SKIC2: variants seen among roughly 807,000 people sequenced by gnomAD.
The protein encoded by SKIC2 is SKI2 subunit of superkiller complex, also known as superkiller complex protein 2.
the SKIC2 span, among the ~76,000 whole-genome samples, chr6:31,964,643 A>C: frequency 6.6e-6 from 1 of 152,222 alleles, no homozygotes; most frequent in East Asian, 1.9e-4. This position sits in a 1 kb window ranked among gnomAD's most constrained non-coding sequence, Gnocchi z 5.0. Flanking sequence ...AAAAGTTATT[A>C]GTAATCAGAA....
At chr6:31,968,677 T>G in the SKIC2 span, 3 of 1,608,428 alleles carry the variant, frequency 1.9e-6, no homozygotes, top group Admixed American at 3.3e-5. The surrounding 1 kb of genome is among the most constrained non-coding windows in gnomAD (Gnocchi z 6.1). Context: ...GACGGGTGGC[T>G]CTCTGCAGTA....
At chr6:31,968,013 C>T in the SKIC2 span, 2 of 1,613,090 alleles carry the variant, frequency 1.2e-6, no homozygotes, top group South Asian at 1.1e-5. This position sits in a 1 kb window ranked among gnomAD's most constrained non-coding sequence, Gnocchi z 6.1. Context: ...GCCATCACCA[C>T]CAAGGTGCTC....
the SKIC2 span, chr6:31,968,981 C>T: frequency 6.2e-7 from 1 of 1,612,920 alleles, no homozygotes; most frequent in South Asian, 1.1e-5. The surrounding 1 kb of genome is among the most constrained non-coding windows in gnomAD (Gnocchi z 6.1). Flanking sequence ...TCATGTTTGA[C>T]AATGCACTGA....
chr6:31,963,323 G>A, the SKIC2 span: 1 of 1,254,030 alleles, frequency 8.0e-7, no homozygotes, highest in Non-Finnish European at 1.1e-6. The surrounding 1 kb of genome is among the most constrained non-coding windows in gnomAD (Gnocchi z 5.3). Flanking sequence ...AGAAAAGACT[G>A]GGTAAAGTTG....
chr6:31,960,371 G>A, the SKIC2 span: 42 of 1,598,900 alleles, frequency 2.6e-5, no homozygotes, highest in Non-Finnish European at 3.4e-5. Flanking sequence ...AACAGTTGGG[G>A]AGAAGGGGAG....
chr6:31,967,357 G>C, the SKIC2 span: 1 of 1,611,772 alleles, frequency 6.2e-7, no homozygotes, highest in Non-Finnish European at 8.5e-7. This position sits in a 1 kb window ranked among gnomAD's most constrained non-coding sequence, Gnocchi z 4.9. Flanking sequence ...GCATCACAAC[G>C]CATTGGGAGT....
At chr6:31,963,201 A>T in the SKIC2 span, 1 of 852,716 alleles carries the variant, frequency 1.2e-6, no homozygotes, top group Non-Finnish European at 1.8e-6. The surrounding 1 kb of genome is among the most constrained non-coding windows in gnomAD (Gnocchi z 5.3). Flanking sequence ...CTTAGGGGTG[A>T]TGCTGGGGAA....
At chr6:31,961,436 G>A in the SKIC2 span, 3 of 1,526,164 alleles carry the variant, frequency 2.0e-6, no homozygotes, top group African/African-American at 1.4e-5. Flanking sequence ...CCACCAGGAT[G>A]TGGGCTGGCT....
chr6:31,960,918 G>A, the SKIC2 span: 13 of 910,348 alleles, frequency 1.4e-5, no homozygotes, highest in South Asian at 8.4e-5. Context: ...TGTTGGGAAA[G>A]TGTCATAGCA....
chr6:31,959,325 AC>A, the SKIC2 span: 1 of 1,613,572 alleles, frequency 6.2e-7, no homozygotes, highest in African/African-American at 1.3e-5. Flanking sequence ...CCCTGGACCT[AC>A]CCCTTCGGGC....
the SKIC2 span, chr6:31,962,170 C>A: frequency 1.2e-5 from 14 of 1,121,004 alleles, no homozygotes; most frequent in East Asian, 2.4e-5. This position sits in a 1 kb window ranked among gnomAD's most constrained non-coding sequence, Gnocchi z 5.0. Context: ...GTGAGAGGTT[C>A]AGGGCTAAGA....
chr6:31,962,190 G>C, the SKIC2 span: 1 of 969,102 alleles, frequency 1.0e-6, no homozygotes, highest in Non-Finnish European at 1.6e-6. The surrounding 1 kb of genome is among the most constrained non-coding windows in gnomAD (Gnocchi z 5.0). Flanking sequence ...ACTGAGACAA[G>C]AGCCCAGAGA....
the SKIC2 span, chr6:31,962,516 G>A: frequency 2.5e-6 from 4 of 1,614,056 alleles, no homozygotes; most frequent in Non-Finnish European, 3.4e-6. This position sits in a 1 kb window ranked among gnomAD's most constrained non-coding sequence, Gnocchi z 5.0. Context: ...GGGGATGTGG[G>A]GCTGCTCACC....
chr6:31,968,997 C>A, the SKIC2 span: 1 of 1,612,912 alleles, frequency 6.2e-7, no homozygotes, highest in Non-Finnish European at 8.5e-7. This position sits in a 1 kb window ranked among gnomAD's most constrained non-coding sequence, Gnocchi z 6.1. Context: ...ACTGAGCACC[C>A]TGCGGCCTGA....
the SKIC2 span, chr6:31,967,313 C>T: frequency 1.2e-6 from 2 of 1,613,060 alleles, no homozygotes; most frequent in Non-Finnish European, 1.7e-6. This position sits in a 1 kb window ranked among gnomAD's most constrained non-coding sequence, Gnocchi z 4.9. Flanking sequence ...AAGTCTCTCT[C>T]AGCAGGAAGG....
At chr6:31,959,983 A>G in the SKIC2 span, 24 of 1,493,712 alleles carry the variant, frequency 1.6e-5, no homozygotes, top group Non-Finnish European at 2.2e-5. Context: ...TCCTTACCTA[A>G]TGCCTCTCAT....
At chr6:31,967,916 G>C in the SKIC2 span, 2 of 1,612,926 alleles carry the variant, frequency 1.2e-6, no homozygotes, top group Non-Finnish European at 1.7e-6. The surrounding 1 kb of genome is among the most constrained non-coding windows in gnomAD (Gnocchi z 4.9). Context: ...AGGATGCCTG[G>C]GTCCATGGCA....
chr6:31,968,813 T>C, the SKIC2 span: 2 of 1,610,152 alleles, frequency 1.2e-6, no homozygotes, highest in African/African-American at 1.3e-5. This position sits in a 1 kb window ranked among gnomAD's most constrained non-coding sequence, Gnocchi z 6.1. Context: ...GGGGCAGTGG[T>C]TGGGGCAGGG....
the SKIC2 span, chr6:31,968,664 G>C: frequency 1.0e-5 from 16 of 1,599,208 alleles, no homozygotes; most frequent in African/African-American, 1.3e-4. The surrounding 1 kb of genome is among the most constrained non-coding windows in gnomAD (Gnocchi z 6.1). Context: ...CAAGGAGAAG[G>C]CTGACGGGTG....
Sources: allele counts gnomAD v4.1 joint callset (sites outside exome capture counted in the v4.1 genomes callset), GRCh38; gene constraint gnomAD v4.1.1; non-coding constraint Gnocchi (gnomAD v3.1); transcripts MANE v1.5; gene names NCBI Gene and HGNC (gene_info 2026-07-23, HGNC 2026-07-21).